SLC36A2: variants seen among roughly 807,000 people sequenced by gnomAD.
SLC36A2 encodes the protein proton-coupled amino acid transporter 2.
A neutral mutation model predicts 42.7 loss-of-function variants in SLC36A2; 39 were observed. That is an observed-to-expected ratio of 0.91 (90% CI 0.71 to 1.19). The LOEUF (loss-of-function observed/expected upper bound fraction) is 1.19, where lower values mean the gene tolerates loss of function less well. Among genes scored for constraint, SLC36A2 ranks in the 50% most tolerant of loss-of-function variants. The probability of loss-of-function intolerance (pLI) is 0.00; values close to 1 mark genes in which losing one functional copy is unlikely to be tolerated. For synonymous variants in SLC36A2, 237 were observed against 240.8 expected, an observed-to-expected ratio of 0.98 and a Z score of 0.15; for missense variants, 590 against 613.7, an observed-to-expected ratio of 0.96 and a Z score of 0.41.
intron 7 of SLC36A2, among the ~76,000 whole-genome samples, chr5:151,330,213 C>A (rs1308963782): frequency 6.6e-6 from 1 of 151,916 alleles, no homozygotes; most frequent in Non-Finnish European, 1.5e-5. Flanking sequence ...TTTACAGATT[C>A]AAGAAATCTC....
At chr5:151,343,437 C>A in intron 3 of SLC36A2, 73 bp downstream of exon 3, 1 of 1,409,858 alleles carries the variant, frequency 7.1e-7, no homozygotes, top group Non-Finnish European at 1.0e-6. Flanking sequence ...TTCTATTATG[C>A]ATAGGATGTT....
rs1209519328 is a variant in SLC36A2 at position 151,316,302 on chromosome 5, G to T, written c.*515C>A. 6.1e-6 allele frequency: 1 copy of T among 164,018 alleles called. No individual in the cohort carries two copies. Among genetic ancestry groups the T allele is most frequent in the African/African-American group, 2.4e-5 (1 of 41,494 alleles). The allele number at this position is 164,018 out of a possible 1,614,324, so 10.2% of individuals were successfully genotyped here. ...AGCCTTCCAAGGGAAAGCTCACAATGTAGTGGAATGCCAGAGGTATGAAAA... is the reference window on the plus strand; with the variant it reads ...AGCCTTCCAAGGGAAAGCTCACAATTTAGTGGAATGCCAGAGGTATGAAAA... On this transcript the variant is annotated 3_prime_UTR_variant, in exon 10 of 10. Coordinates refer to ENST00000335244, the MANE Select transcript of SLC36A2 (RefSeq NM_181776.3).
chr5:151,342,350 G>T (rs1372149972), intron 4 of SLC36A2, among the ~76,000 whole-genome samples: 1 of 151,962 alleles, frequency 6.6e-6, no homozygotes, highest in African/African-American at 2.4e-5. Flanking sequence ...CCAGGCCCCT[G>T]TCCACCTTCT....
intron 5 of SLC36A2, among the ~76,000 whole-genome samples, chr5:151,336,445 T>C (rs145170570): frequency 8.0e-5 from 12 of 150,072 alleles, no homozygotes; most frequent in African/African-American, 2.7e-4. Flanking sequence ...ATTTTCTGCT[T>C]AAATTCCCTC....
chr5:151,322,231 C>T lies in SLC36A2; in HGVS notation c.1011-16G>A. The T allele has an allele frequency of 1.2e-6, 2 of 1,613,670 alleles. 1 individual carries two copies. Among genetic ancestry groups the T allele is most frequent in the South Asian group, 2.2e-5 (2 of 91,034 alleles). On this transcript the variant is annotated splice_polypyrimidine_tract_variant and intron_variant, in intron 8 of 9. Transcript: ENST00000335244. Reference sequence around the variant, plus strand: ...CTGGTACAGCCTGCAAGACAAACCACAGAGCTGCTCTCCACGGCCACTGTG... The same window carrying T: ...CTGGTACAGCCTGCAAGACAAACCATAGAGCTGCTCTCCACGGCCACTGTG...
chr5:151,322,312 G>A (rs1219637065), intron 8 of SLC36A2, 97 bp from the exon 9 acceptor site: 1 of 1,436,828 alleles, frequency 7.0e-7, no homozygotes, highest in Non-Finnish European at 9.6e-7. Context: ...AATGACTTGG[G>A]CTTTTGTTTC....
In SLC36A2 at chr5:151,315,222, A is replaced by G. The variant is rs146247959; in HGVS notation, c.*1595T>C. 1.3e-5 allele frequency: 2 copies of G among 152,756 alleles called. No homozygotes were observed. The highest frequency in any genetic ancestry group is 3.9e-4 in the East Asian group (2 of 5,180). 9.5% of individuals were successfully genotyped at this position (152,756 alleles called of 1,614,324 possible). A position where few individuals can be genotyped will look rare whatever the true frequency, so the allele number is the denominator to read the frequency against. ...TGCTTTACTTGGTGGTCTCAACTCC[A>G]TAGAGCAGCAAGTGATGTAAGTCCT... On this transcript the variant is annotated 3_prime_UTR_variant, in exon 10 of 10. Transcript: ENST00000335244.
chr5:151,316,428 G>A lies in SLC36A2; in HGVS notation c.*389C>T, dbSNP rs1427109331. ...TGGCCCAGAGAAAAGGCAAAGCAGT[G>A]ACATAAAGATAATGCATATAAAAGA... On this transcript the variant is annotated 3_prime_UTR_variant, in exon 10 of 10. Coordinates refer to ENST00000335244, the MANE Select transcript of SLC36A2 (RefSeq NM_181776.3). The A allele has an allele frequency of 5.5e-6, 1 of 182,124 alleles. No homozygotes were observed. Among genetic ancestry groups the A allele is most frequent in the Non-Finnish European group, 1.2e-5 (1 of 86,022 alleles). The allele number at this position is 182,124 out of a possible 1,614,324, so 11.3% of individuals were successfully genotyped here.
At chr5:151,345,347 G>A (rs994524500) in intron 1 of SLC36A2, among the ~76,000 whole-genome samples, 10 of 152,166 alleles carry the variant, frequency 6.6e-5, no homozygotes, top group African/African-American at 2.4e-4. Flanking sequence ...TCAAGGCCAC[G>A]ACTTAACTAG....
rs148864974 is a variant in SLC36A2, at chr5:151,331,965, C to T, written c.843+1259G>A. Among the ~76,000 whole-genome samples, 570 of 152,158 alleles carry T rather than the reference C, an allele frequency of 3.7e-3. 7 individuals are homozygous for T. The highest frequency in any genetic ancestry group is 0.013 in the African/African-American group (534 of 41,512). On this transcript the variant is annotated intron_variant, in intron 7 of 9. Coordinates refer to ENST00000335244, the MANE Select transcript of SLC36A2 (RefSeq NM_181776.3). Reference sequence around the variant, plus strand: ...CACTGCAACTTCCGCTTCCTGGGTTCAAGTGATTCTCCTGCCTCAGCCTTC... The same window carrying T: ...CACTGCAACTTCCGCTTCCTGGGTTTAAGTGATTCTCCTGCCTCAGCCTTC...
intron 7 of SLC36A2, among the ~76,000 whole-genome samples, chr5:151,331,711 C>G (rs1178417133): frequency 6.6e-6 from 1 of 152,080 alleles, no homozygotes; most frequent in Non-Finnish European, 1.5e-5. Flanking sequence ...AAATCAAAAA[C>G]TTTTGTGCAT....
rs1755490748 is a variant in SLC36A2 at position 151,316,380 on chromosome 5, A to T, written c.*437T>A. The T allele has an allele frequency of 5.8e-6, 1 of 172,554 alleles. No homozygotes were observed. The highest frequency in any genetic ancestry group is 1.3e-4 in the South Asian group (1 of 7,718). The allele number at this position is 172,554 out of a possible 1,614,324, so 10.7% of individuals were successfully genotyped here. On this transcript the variant is annotated 3_prime_UTR_variant, in exon 10 of 10. Transcript: ENST00000335244. ...TAAAAAATTACCATTTAGAGCTTGT[A>T]GCTTTCTTGTTTCACCATGACTTGG...
At position 151,319,215 on chromosome 5, in the gene SLC36A2, T is replaced by C. The variant is rs1018668693; in HGVS notation, c.1181-2127A>G. 3 of 683,300 alleles carry C rather than the reference T, an allele frequency of 4.4e-6. No individual in the cohort carries two copies. The African/African-American group carries it at 5.8e-5, about 13-fold the overall frequency. The allele number at this position is 683,300 out of a possible 1,614,324, so 42.3% of individuals were successfully genotyped here. ...AAGTTATTTACTCATACATGCTAAT[T>C]GACAATGCATGAAGAAGTGTAGTGT... On this transcript the variant is annotated intron_variant, in intron 9 of 9. Transcript: ENST00000335244.
Sources: gnomAD v4.1 joint callset for allele counts (sites outside exome capture counted in the v4.1 genomes callset) on GRCh38, gnomAD v4.1.1 for gene constraint, MANE v1.5 for transcripts, NCBI Gene and HGNC (gene_info 2026-07-23, HGNC 2026-07-21) for gene names.